The following ADAMTSL1 variants were observed in gnomAD, a reference collection of about 807,000 sequenced individuals.
ADAMTSL1 encodes ADAMTS like 1, also known as ADAMTS-like protein 1.
ADAMTSL1 carries 126 observed loss-of-function variants against 201.8 expected under a neutral mutation model. The ratio of observed to expected loss-of-function variants is 0.62; its 90% CI spans 0.54 to 0.72. The LOEUF is 0.72. ADAMTSL1 is among the 30% of genes least tolerant of loss of function. The pLI is 0.00. For synonymous variants in ADAMTSL1, 1,121 were observed against 903.4 expected, an observed-to-expected ratio of 1.24 and a Z score of -4.32; for missense variants, 2,679 against 2,277.8, an observed-to-expected ratio of 1.18 and a Z score of -3.59.
chr9:18,705,063 C>A (rs1195623591), intron 13 of ADAMTSL1, among the ~76,000 whole-genome samples: 1 of 152,222 alleles, frequency 6.6e-6, no homozygotes, highest in Admixed American at 6.5e-5. Context: ...ACATGAAGCC[C>A]AGGCTCAGGC....
At chr9:18,685,603 C>G (rs1354472880) in intron 13 of ADAMTSL1, among the ~76,000 whole-genome samples, 1 of 152,204 alleles carries the variant, frequency 6.6e-6, no homozygotes, top group Non-Finnish European at 1.5e-5. Context: ...GTGCTATTCA[C>G]TGGCACTTAA....
chr9:18,477,298 C>A (rs1821500661), intron 1 of ADAMTSL1, among the ~76,000 whole-genome samples: 1 of 152,172 alleles, frequency 6.6e-6, no homozygotes, highest in Non-Finnish European at 1.5e-5. Context: ...GTTTTAAGCT[C>A]TTTTGCCTGC....
intron 10 of ADAMTSL1, among the ~76,000 whole-genome samples, chr9:18,677,530 A>AAAG (rs1830197214): frequency 6.6e-6 from 1 of 152,092 alleles, no homozygotes; most frequent in Non-Finnish European, 1.5e-5. Context: ...AGATAAAGGT[A>AAAG]AAGTTGGACC....
At chr9:18,422,082 A>G (rs1171005580) in intron 2 of ADAMTSL1, among the ~76,000 whole-genome samples, 1 of 152,182 alleles carries the variant, frequency 6.6e-6, no homozygotes, top group Non-Finnish European at 1.5e-5. Flanking sequence ...AACTGCATCC[A>G]GCTCATCTCT....
intron 3 of ADAMTSL1, among the ~76,000 whole-genome samples, chr9:18,559,181 G>A (rs1313508477): frequency 1.3e-5 from 2 of 152,074 alleles, no homozygotes; most frequent in African/African-American, 4.8e-5. Context: ...GTTAATTTTT[G>A]TATAAGGTGT....
At chr9:17,995,317 A>C (rs1239877361) in intron 1 of ADAMTSL1, among the ~76,000 whole-genome samples, 2 of 152,000 alleles carry the variant, frequency 1.3e-5, no homozygotes, top group African/African-American at 4.8e-5. Context: ...TCTCATGGGG[A>C]TTAGGGAGGT....
chr9:18,087,781 T>G (rs1054726343), intron 1 of ADAMTSL1, among the ~76,000 whole-genome samples: 6 of 152,176 alleles, frequency 3.9e-5, no homozygotes, highest in African/African-American at 1.4e-4. Flanking sequence ...CTAAGCAATT[T>G]GTATCAGTGT....
intron 4 of ADAMTSL1, among the ~76,000 whole-genome samples, chr9:18,582,336 A>G (rs753134073): frequency 3.3e-5 from 5 of 152,178 alleles, no homozygotes; most frequent in Non-Finnish European, 7.3e-5. Context: ...GTAGTCATCC[A>G]TACTGTGTTT....
chr9:18,365,369 A>G (rs1586980687), intron 2 of ADAMTSL1, among the ~76,000 whole-genome samples: 1 of 152,228 alleles, frequency 6.6e-6, no homozygotes, highest in Non-Finnish European at 1.5e-5. Flanking sequence ...TTAGAGATGC[A>G]TTCATATGTA....
At chr9:18,515,442 C>T (rs968129142) in intron 2 of ADAMTSL1, among the ~76,000 whole-genome samples, 1 of 152,162 alleles carries the variant, frequency 6.6e-6, no homozygotes. Context: ...TCAAACCGTC[C>T]TCCTATCTCA....
intron 15 of ADAMTSL1, among the ~76,000 whole-genome samples, chr9:18,736,293 CAAGT>C (rs1818497807): frequency 6.6e-6 from 1 of 152,122 alleles, no homozygotes; most frequent in African/African-American, 2.4e-5. Flanking sequence ...TGAGGGGAGA[CAAGT>C]GAGTAAGATG....
intron 1 of ADAMTSL1, among the ~76,000 whole-genome samples, chr9:18,113,559 G>A (rs1048242991): frequency 1.3e-5 from 2 of 152,036 alleles, no homozygotes; most frequent in Non-Finnish European, 2.9e-5. Flanking sequence ...TAGATCTCAA[G>A]GTACCAATAA....
At chr9:18,270,862 A>G (rs1832333126) in intron 2 of ADAMTSL1, among the ~76,000 whole-genome samples, 1 of 152,124 alleles carries the variant, frequency 6.6e-6, no homozygotes, top group African/African-American at 2.4e-5. Context: ...CATTCGGGCA[A>G]GTGGTGAAGA....
At chr9:18,339,776 A>G (rs544942908) in intron 2 of ADAMTSL1, among the ~76,000 whole-genome samples, 1 of 152,252 alleles carries the variant, frequency 6.6e-6, no homozygotes, top group East Asian at 1.9e-4. Flanking sequence ...AAACTCTAGT[A>G]TCTGCTGGCT....
intron 15 of ADAMTSL1, among the ~76,000 whole-genome samples, chr9:18,728,575 T>A (rs1479947297): frequency 6.6e-6 from 1 of 152,214 alleles, no homozygotes; most frequent in Admixed American, 6.5e-5. Context: ...AGTTAATAGA[T>A]GAAGAAGATT....
At chr9:18,445,617 G>A (rs1043114080) in intron 2 of ADAMTSL1, among the ~76,000 whole-genome samples, 2 of 152,044 alleles carry the variant, frequency 1.3e-5, no homozygotes, top group Admixed American at 6.6e-5. Flanking sequence ...TTTACCAAAT[G>A]TACACCAAAA....
At chr9:18,410,977 G>T (rs1330196988) in intron 2 of ADAMTSL1, among the ~76,000 whole-genome samples, 1 of 150,460 alleles carries the variant, frequency 6.6e-6, no homozygotes, top group Non-Finnish European at 1.5e-5. Context: ...AAGTATCTGG[G>T]ACTACAGGCG....
At chr9:17,929,542 C>T (rs1354941003) in intron 1 of ADAMTSL1, among the ~76,000 whole-genome samples, 2 of 152,114 alleles carry the variant, frequency 1.3e-5, no homozygotes, top group Non-Finnish European at 2.9e-5. Flanking sequence ...TCCCTTCTAT[C>T]CTCCTCCTCT....
At chr9:18,358,214 A>G (rs1836343176) in intron 2 of ADAMTSL1, among the ~76,000 whole-genome samples, 1 of 152,204 alleles carries the variant, frequency 6.6e-6, no homozygotes, top group Non-Finnish European at 1.5e-5. Flanking sequence ...GGAATAAGGG[A>G]GAGCTTAATG....
Sources: allele counts gnomAD v4.1 joint callset (sites outside exome capture counted in the v4.1 genomes callset), GRCh38; gene constraint gnomAD v4.1.1; transcripts MANE v1.5; gene names NCBI Gene and HGNC (gene_info 2026-07-23, HGNC 2026-07-21).